The following ERBB4 variants were observed in gnomAD, a reference collection of about 807,000 sequenced individuals.
ERBB4 encodes the protein receptor tyrosine-protein kinase erbB-4.
ERBB4 carries 42 observed loss-of-function variants against 158.0 expected under a neutral mutation model. The observed-to-expected ratio is 0.27, with a 90% CI of 0.21 to 0.34. ERBB4 has a LOEUF of 0.34. ERBB4 is among the 10% of genes least tolerant of loss of function. The pLI, the probability that ERBB4 is intolerant of heterozygous loss-of-function variation, is 1.00. For missense variants in ERBB4, 1,333 were observed against 1,624.1 expected (o/e 0.82, Z 3.08); for synonymous variants, 583 against 558.7 (o/e 1.04, Z -0.61).
intron 20 of ERBB4, among the ~76,000 whole-genome samples, chr2:211,560,180 A>T (rs964399708): frequency 1.3e-5 from 2 of 152,012 alleles, no homozygotes; most frequent in African/African-American, 4.8e-5. Context: ...TGATATATTA[A>T]TAACACAAAC....
chr2:212,296,444 A>G (rs1439609954), intron 1 of ERBB4, among the ~76,000 whole-genome samples: 1 of 151,980 alleles, frequency 6.6e-6, no homozygotes, highest in Non-Finnish European at 1.5e-5. Flanking sequence ...TGTCATATAT[A>G]ACAGTTCTTC....
chr2:211,941,856 AC>A (rs1253727954), intron 3 of ERBB4, among the ~76,000 whole-genome samples: 2 of 152,124 alleles, frequency 1.3e-5, no homozygotes, highest in Non-Finnish European at 2.9e-5. Flanking sequence ...CAAAACAGAT[AC>A]AAGGAAAGAA....
At chr2:211,800,455 A>G (rs1451360246) in intron 3 of ERBB4, among the ~76,000 whole-genome samples, 1 of 152,164 alleles carries the variant, frequency 6.6e-6, no homozygotes, top group Admixed American at 6.5e-5. Flanking sequence ...TAGAAAGGAA[A>G]GCGTGAGTAA....
intron 1 of ERBB4, among the ~76,000 whole-genome samples, chr2:212,227,063 T>C (rs1042488288): frequency 2.6e-5 from 4 of 152,004 alleles, no homozygotes; most frequent in East Asian, 1.9e-4. Flanking sequence ...CTGATCAACA[T>C]GGTGAAACCC....
chr2:212,053,688 G>A (rs1426642380), intron 2 of ERBB4, among the ~76,000 whole-genome samples: 2 of 152,106 alleles, frequency 1.3e-5, no homozygotes, highest in African/African-American at 4.8e-5. Context: ...TCCCCTTCCA[G>A]CTTATGTCTT....
chr2:211,944,164 C>CTATATATATATA (rs71397155), intron 3 of ERBB4, among the ~76,000 whole-genome samples: 2 of 100,894 alleles, frequency 2.0e-5, no homozygotes, highest in African/African-American at 8.5e-5. Flanking sequence ...TATATATACA[C>CTATATATATATA]TATATATATA....
At chr2:212,407,912 T>G (rs539098702) in intron 1 of ERBB4, among the ~76,000 whole-genome samples, 1 of 152,146 alleles carries the variant, frequency 6.6e-6, no homozygotes, top group East Asian at 1.9e-4. Context: ...GGTAGCTTAG[T>G]AAAAATTTGA....
intron 1 of ERBB4, among the ~76,000 whole-genome samples, chr2:212,432,018 A>G (rs1175370207): frequency 1.3e-5 from 2 of 152,208 alleles, no homozygotes; most frequent in Non-Finnish European, 1.5e-5. Flanking sequence ...ATTTTTCACT[A>G]CTTTGTCCAT....
At chr2:211,475,472 T>C (rs2064931563) in intron 20 of ERBB4, among the ~76,000 whole-genome samples, 1 of 152,078 alleles carries the variant, frequency 6.6e-6, no homozygotes, top group Non-Finnish European at 1.5e-5. Context: ...ATGTATTTCC[T>C]AGTACATGTA....
intron 4 of ERBB4, among the ~76,000 whole-genome samples, chr2:211,764,090 G>T (rs1481758902): frequency 1.3e-5 from 2 of 152,156 alleles, no homozygotes; most frequent in Non-Finnish European, 2.9e-5. Context: ...AAAATGTCTT[G>T]CTGTAGAATG....
intron 1 of ERBB4, among the ~76,000 whole-genome samples, chr2:212,441,452 T>A (rs2092252673): frequency 6.6e-6 from 1 of 152,222 alleles, no homozygotes; most frequent in Admixed American, 6.5e-5. Flanking sequence ...ATAACTAGAC[T>A]AAGTTCTGGT....
chr2:211,661,832 G>A (rs866834349), intron 15 of ERBB4, among the ~76,000 whole-genome samples: 6 of 151,234 alleles, frequency 4.0e-5, no homozygotes, highest in Middle Eastern at 3.4e-3. Flanking sequence ...GAGGTCAGGA[G>A]ATCGAGACCA....
intron 1 of ERBB4, among the ~76,000 whole-genome samples, chr2:212,522,048 TAAG>T (rs1692199136): frequency 6.6e-6 from 1 of 151,968 alleles, no homozygotes; most frequent in African/African-American, 2.4e-5. Context: ...CTAAAATACT[TAAG>T]AAATTCATCT....
At chr2:211,639,945 A>T (rs2070511081) in intron 16 of ERBB4, among the ~76,000 whole-genome samples, 1 of 151,956 alleles carries the variant, frequency 6.6e-6, no homozygotes, top group Non-Finnish European at 1.5e-5. Flanking sequence ...CTGGTCTCGA[A>T]CTCCTGACCT....
chr2:212,296,103 T>C (rs1306492577), intron 1 of ERBB4, among the ~76,000 whole-genome samples: 1 of 152,004 alleles, frequency 6.6e-6, no homozygotes, highest in Non-Finnish European at 1.5e-5. Flanking sequence ...ATGTAATTCA[T>C]TGAGCATTCG....
intron 1 of ERBB4, among the ~76,000 whole-genome samples, chr2:212,293,194 T>A (rs1400520031): frequency 6.6e-6 from 1 of 151,998 alleles, no homozygotes; most frequent in African/African-American, 2.4e-5. Flanking sequence ...TCCAAGCATA[T>A]AAGTATTTTT....
intron 20 of ERBB4, among the ~76,000 whole-genome samples, chr2:211,431,593 G>A (rs1372252226): frequency 6.6e-6 from 1 of 152,154 alleles, no homozygotes; most frequent in East Asian, 1.9e-4. Context: ...TAGATTCTAT[G>A]GAGGCTGAAG....
At chr2:212,025,343 CTTTG>C (rs575965723) in intron 2 of ERBB4, among the ~76,000 whole-genome samples, 33 of 151,746 alleles carry the variant, frequency 2.2e-4, no homozygotes, top group Non-Finnish European at 3.8e-4. Flanking sequence ...AAGTATTATT[CTTTG>C]TTTAACAGCC....
At chr2:212,255,995 T>TTC (rs1559858700) in intron 1 of ERBB4, among the ~76,000 whole-genome samples, 1 of 110,134 alleles carries the variant, frequency 9.1e-6, no homozygotes. Context: ...TAAGTTTTAT[T>TTC]TATTTATTTT....
Sources: gnomAD v4.1 joint callset for allele counts (sites outside exome capture counted in the v4.1 genomes callset) on GRCh38, gnomAD v4.1.1 for gene constraint, MANE v1.5 for transcripts, NCBI Gene and HGNC (gene_info 2026-07-23, HGNC 2026-07-21) for gene names.